PLXNA4: variants seen among roughly 807,000 people sequenced by gnomAD.
PLXNA4 encodes the protein plexin A4.
In PLXNA4, 44 loss-of-function variants were observed where a neutral mutation model predicts 191.8. That is an observed-to-expected ratio of 0.23 (90% CI 0.18 to 0.29). The LOEUF is 0.29. Ranked by LOEUF, PLXNA4 falls within the 10% of genes least tolerant of loss-of-function variation. The pLI, the probability that PLXNA4 is intolerant of heterozygous loss-of-function variation, is 1.00. For missense variants in PLXNA4, 1,800 were observed against 2,488.8 expected, an observed-to-expected ratio of 0.72 and a Z score of 5.89; for synonymous variants, 1,082 against 1,009.5, an observed-to-expected ratio of 1.07 and a Z score of -1.36.
intron 8 of PLXNA4, 121 bp from the exon 9 acceptor site, chr7:132,223,762 C>A (rs778776949): frequency 4.2e-6 from 3 of 715,232 alleles, no homozygotes; most frequent in Non-Finnish European, 7.3e-6. Flanking sequence ...GTTGAATGTG[C>A]AGGAAGGGCA....
chr7:132,161,618 C>T (rs894276021), intron 24 of PLXNA4, among the ~76,000 whole-genome samples: 3 of 152,140 alleles, frequency 2.0e-5, no homozygotes, highest in African/African-American at 7.2e-5. Flanking sequence ...CCAGGTTCCC[C>T]GGTGGGCATC....
At position 132,393,959 on chromosome 7, in the gene PLXNA4, A is replaced by G. The variant is rs1274689045; in HGVS notation, c.1371+95333T>C. On this transcript the variant is annotated intron_variant, in intron 3 of 31. Transcript: ENST00000321063. ...TCCAGGCACAGTGGTATTGAGACAC[A>G]GACCACTAATTTGCACCCCACCCTC... 2.0e-5 allele frequency among the ~76,000 whole-genome samples: 3 copies of G among 151,638 alleles called. No homozygotes were observed. In the East Asian group the frequency reaches 5.8e-4, roughly 29 times the overall value.
chr7:132,498,419 C>T lies in PLXNA4; in HGVS notation c.1189-8945G>A, dbSNP rs192528846. On this transcript the variant is annotated intron_variant, in intron 2 of 31. Transcript: ENST00000321063. ...CAGGTCTTACACGGATGGCAGCAGGCAAAAAGAGAGAGTGTGTGCAGGGAA... is the reference window on the plus strand; with the variant it reads ...CAGGTCTTACACGGATGGCAGCAGGTAAAAAGAGAGAGTGTGTGCAGGGAA... 1.3e-3 allele frequency among the ~76,000 whole-genome samples: 205 copies of T among 152,078 alleles called. 1 individual carries two copies. Among genetic ancestry groups the T allele is most frequent in the Non-Finnish European group, 6.0e-4 (41 of 67,994 alleles).
At chr7:132,390,066 G>A (rs891938688) in intron 3 of PLXNA4, among the ~76,000 whole-genome samples, 1 of 151,940 alleles carries the variant, frequency 6.6e-6, no homozygotes, top group African/African-American at 2.4e-5. Flanking sequence ...CCCATCACTG[G>A]GTATATACCC....
intron 4 of PLXNA4, among the ~76,000 whole-genome samples, chr7:132,266,835 CA>C (rs1799876911): frequency 6.6e-6 from 1 of 152,224 alleles, no homozygotes; most frequent in Non-Finnish European, 1.5e-5. Flanking sequence ...GGTCATCAAA[CA>C]GAACTACTTC....
chr7:132,534,901 T>C (rs1483806142), intron 1 of PLXNA4, among the ~76,000 whole-genome samples: 1 of 152,204 alleles, frequency 6.6e-6, no homozygotes, highest in Non-Finnish European at 1.5e-5. Context: ...TAGCAAGATA[T>C]GACAGTATAC....
chr7:132,349,412 T>C (rs1181054045), intron 3 of PLXNA4, among the ~76,000 whole-genome samples: 2 of 152,046 alleles, frequency 1.3e-5, no homozygotes, highest in African/African-American at 4.8e-5. Flanking sequence ...CCCTGCCTGG[T>C]GTGTGCAGGG....
intron 3 of PLXNA4, among the ~76,000 whole-genome samples, chr7:132,317,073 T>C (rs1333453949): frequency 1.3e-5 from 2 of 152,154 alleles, no homozygotes; most frequent in Admixed American, 6.5e-5. Flanking sequence ...TTGGGTTGAA[T>C]TGGATTGGAT....
In PLXNA4 at chr7:132,226,014, C is replaced by T. The variant is rs559595063; in HGVS notation, c.1982+147G>A. The stretch of plus-strand genomic sequence containing the variant: ...CTCTGGGGCTTCTAAATGGTGACTC[C>T]CTGTGGGTACCAGAGGAGAGGGAGT... On this transcript the variant is annotated intron_variant, in intron 8 of 31. Coordinates refer to ENST00000321063, the MANE Select transcript of PLXNA4 (RefSeq NM_020911.2). 8.5e-5 allele frequency: 59 copies of T among 690,184 alleles called. No homozygotes were observed. In the South Asian group the frequency reaches 9.8e-4, roughly 11 times the overall value. 42.8% of individuals were successfully genotyped at this position (690,184 alleles called of 1,614,324 possible).
At chr7:132,459,244 A>C (rs1301463149) in intron 3 of PLXNA4, among the ~76,000 whole-genome samples, 3 of 152,190 alleles carry the variant, frequency 2.0e-5, no homozygotes, top group East Asian at 3.8e-4. Context: ...AGAACCCCTA[A>C]TTTAAAAATT....
At chr7:132,298,299 G>A (rs1279185720) in intron 3 of PLXNA4, 77 bp from the exon 4 acceptor site, 20 of 1,527,318 alleles carry the variant, frequency 1.3e-5, no homozygotes, top group Non-Finnish European at 1.7e-5. Flanking sequence ...CAAAGACCCT[G>A]TCAACAGCCA....
At chr7:132,203,034 T>C (rs1361657212) in intron 11 of PLXNA4, among the ~76,000 whole-genome samples, 198 bp from the exon 12 acceptor site, 1 of 152,134 alleles carries the variant, frequency 6.6e-6, no homozygotes, top group Non-Finnish European at 1.5e-5. Context: ...AATGGGAAGC[T>C]CTGGGGTTCT....
At chr7:132,299,295 A>G (rs1801220039) in intron 3 of PLXNA4, among the ~76,000 whole-genome samples, 1 of 152,236 alleles carries the variant, frequency 6.6e-6, no homozygotes, top group Admixed American at 6.5e-5. Context: ...TATTCCAAAT[A>G]TTCCCATTAG....
chr7:132,143,717 T>C (rs1795336622), intron 29 of PLXNA4, among the ~76,000 whole-genome samples: 1 of 152,216 alleles, frequency 6.6e-6, no homozygotes, highest in Admixed American at 6.5e-5. Flanking sequence ...AGGCAGGTCC[T>C]GGGAGATATC....
intron 3 of PLXNA4, among the ~76,000 whole-genome samples, chr7:132,389,758 T>C (rs1277210214): frequency 6.6e-6 from 1 of 152,228 alleles, no homozygotes; most frequent in African/African-American, 2.4e-5. Flanking sequence ...TGGGCTCTTT[T>C]TTGATTCCAT....
At chr7:132,167,299 A>G (rs1241948972) in intron 22 of PLXNA4, among the ~76,000 whole-genome samples, 1 of 152,200 alleles carries the variant, frequency 6.6e-6, no homozygotes, top group Non-Finnish European at 1.5e-5. Context: ...AGGTTTCAAC[A>G]GTATCAAGTT....
chr7:132,408,039 A>T (rs948366603), intron 3 of PLXNA4, among the ~76,000 whole-genome samples: 7 of 137,452 alleles, frequency 5.1e-5, no homozygotes, highest in Middle Eastern at 3.8e-3. Context: ...ACAGGGATTT[A>T]AAAAAAAAAA....
intron 1 of PLXNA4, among the ~76,000 whole-genome samples, chr7:132,545,403 C>G (rs1800258414): frequency 6.6e-6 from 1 of 152,214 alleles, no homozygotes; most frequent in Non-Finnish European, 1.5e-5. Flanking sequence ...CACTGAACCC[C>G]CAGCACCTGG....
At chr7:132,278,924 G>C (rs1446555592) in intron 4 of PLXNA4, among the ~76,000 whole-genome samples, 1 of 152,166 alleles carries the variant, frequency 6.6e-6, no homozygotes, top group Non-Finnish European at 1.5e-5. Context: ...ACACGTCAGG[G>C]CTTCAGGCAA....
Sources: gnomAD v4.1 joint callset for allele counts (sites outside exome capture counted in the v4.1 genomes callset) on GRCh38, gnomAD v4.1.1 for gene constraint, MANE v1.5 for transcripts, NCBI Gene and HGNC (gene_info 2026-07-23, HGNC 2026-07-21) for gene names.